The following PLEKHG1 variants were observed in gnomAD, a reference collection of about 807,000 sequenced individuals.
PLEKHG1 encodes pleckstrin homology and RhoGEF domain containing G1.
A neutral mutation model predicts 100.8 loss-of-function variants in PLEKHG1; 44 were observed. The observed-to-expected ratio is 0.44, with a 90% CI of 0.34 to 0.56. PLEKHG1 has a LOEUF of 0.56. Ranked by LOEUF, PLEKHG1 falls within the 20% of genes least tolerant of loss-of-function variation. The pLI is 0.01. For missense variants in PLEKHG1, 1,545 were observed against 1,720.9 expected (o/e 0.90, Z 1.81); for synonymous variants, 640 against 662.5 (o/e 0.97, Z 0.52).
intron 14 of PLEKHG1, chr6:150,828,364 A>G (rs749143529): frequency 1.3e-4 from 211 of 1,609,940 alleles, no homozygotes; most frequent in South Asian, 3.3e-4. Flanking sequence ...GAAGAGGGAC[A>G]GCGATTCCAA....
chr6:150,806,223 CTTTTTTTT>C (rs58040509), intron 7 of PLEKHG1, among the ~76,000 whole-genome samples: 51 of 89,784 alleles, frequency 5.7e-4, no homozygotes, highest in African/African-American at 1.7e-3. Context: ...TTCCAGGCTG[CTTTTTTTT>C]TTTTTTTTTT....
At chr6:150,681,585 A>G (rs1008592643) in intron 3 of PLEKHG1, among the ~76,000 whole-genome samples, 1 of 151,798 alleles carries the variant, frequency 6.6e-6, no homozygotes, top group Non-Finnish European at 1.5e-5. Flanking sequence ...AATTTCCTCC[A>G]TGTTCTTTGT....
intron 3 of PLEKHG1, among the ~76,000 whole-genome samples, chr6:150,715,192 T>A (rs4628109): frequency 0.41 from 62,140 of 151,894 alleles, 13,450 homozygotes; most frequent in Middle Eastern, 0.53. Flanking sequence ...TAATTTTTTT[T>A]AAAAAAAGAA....
At chr6:150,690,401 C>T (rs371117648) in intron 3 of PLEKHG1, among the ~76,000 whole-genome samples, 5 of 151,976 alleles carry the variant, frequency 3.3e-5, no homozygotes, top group Middle Eastern at 3.4e-3. Flanking sequence ...AGCAGTCAAC[C>T]GAAACAGAAG....
intron 3 of PLEKHG1, among the ~76,000 whole-genome samples, chr6:150,712,623 G>C (rs1781280792): frequency 6.6e-6 from 1 of 152,188 alleles, no homozygotes; most frequent in African/African-American, 2.4e-5. Context: ...CAGTGGAACA[G>C]AGCTCTCTTT....
intron 2 of PLEKHG1, among the ~76,000 whole-genome samples, chr6:150,740,101 G>A (rs1030427476): frequency 1.3e-5 from 2 of 152,202 alleles, no homozygotes; most frequent in Non-Finnish European, 2.9e-5. Context: ...GAGAGCTTGT[G>A]CAGTGATTTC....
chr6:150,790,335 A>G (rs1785896496), intron 4 of PLEKHG1, among the ~76,000 whole-genome samples: 3 of 152,130 alleles, frequency 2.0e-5, no homozygotes. Context: ...CCAAAATCAA[A>G]ATATTTATAT....
In PLEKHG1 at chr6:150,639,048, G is replaced by T. The variant is rs1326697073; in HGVS notation, c.-158+923G>T. On this transcript the variant is annotated intron_variant, in intron 2 of 3. Transcript: ENST00000367326. ...TTCCTCTGGAAAGCCCATTTCTTTT[G>T]GGAAGGCTTTAACTTATATTGTACT... Among the ~76,000 whole-genome samples the T allele has an allele frequency of 3.9e-5, 6 of 152,068 alleles. 1 individual carries two copies. Among genetic ancestry groups the T allele is most frequent in the Non-Finnish European group, 7.4e-5 (5 of 68,002 alleles).
At chr6:150,724,404 G>A (rs1781850934) in intron 1 of PLEKHG1, among the ~76,000 whole-genome samples, 1 of 152,112 alleles carries the variant, frequency 6.6e-6, no homozygotes, top group Admixed American at 6.5e-5. Flanking sequence ...CTCTCTGAGT[G>A]GTAACACAGT....
At chr6:150,815,270 C>G (rs1787797435) in intron 10 of PLEKHG1, among the ~76,000 whole-genome samples, 1 of 152,152 alleles carries the variant, frequency 6.6e-6, no homozygotes. Context: ...TAGTTACAGC[C>G]TCCCAGCTGC....
chr6:150,672,433 G>T (rs1367267542), intron 3 of PLEKHG1, among the ~76,000 whole-genome samples: 4 of 152,278 alleles, frequency 2.6e-5, no homozygotes, highest in South Asian at 2.1e-4. Flanking sequence ...CATTTATATT[G>T]TTTGATCATG....
chr6:150,687,229 A>G (rs879408139), intron 3 of PLEKHG1, among the ~76,000 whole-genome samples: 1 of 152,160 alleles, frequency 6.6e-6, no homozygotes, highest in African/African-American at 2.4e-5. Context: ...AAAGATTATT[A>G]CTACCTTCTT....
chr6:150,647,688 A>T (rs908172660), intron 2 of PLEKHG1, among the ~76,000 whole-genome samples: 1 of 152,186 alleles, frequency 6.6e-6, no homozygotes, highest in African/African-American at 2.4e-5. Flanking sequence ...AACCTTCAGA[A>T]GTGTAATGAA....
At chr6:150,755,337 C>T (rs1783774131) in intron 2 of PLEKHG1, among the ~76,000 whole-genome samples, 2 of 152,198 alleles carry the variant, frequency 1.3e-5, no homozygotes, top group Admixed American at 1.3e-4. Context: ...TCTCTGCCAA[C>T]GTTGATGGTT....
chr6:150,838,102 CA>C (rs1777324960), intron 15 of PLEKHG1, among the ~76,000 whole-genome samples: 1 of 152,026 alleles, frequency 6.6e-6, no homozygotes. Flanking sequence ...AAAGAAATGA[CA>C]AAACTCACCT....
chr6:150,723,976 G>T (rs963788926), intron 1 of PLEKHG1, among the ~76,000 whole-genome samples: 1 of 152,256 alleles, frequency 6.6e-6, no homozygotes. Context: ...AACAGCCAGG[G>T]TTCCTTGGGC....
rs546675299 is a variant in PLEKHG1, at chr6:150,731,130, G to A, written c.-98-2454G>A. 1.1e-3 allele frequency among the ~76,000 whole-genome samples: 169 copies of A among 152,322 alleles called. 1 individual carries two copies. The highest frequency in any genetic ancestry group is 4.0e-3 in the African/African-American group (167 of 41,580). The stretch of plus-strand genomic sequence containing the variant: ...CTTTCTCAACACCAGTCCCAAACGT[G>A]AGTAAGCATCCTTTGCTGCAAGCAT... On this transcript the variant is annotated intron_variant, in intron 1 of 15. Transcript: ENST00000358517.
rs543500140 is a variant in PLEKHG1 at position 150,649,910 on chromosome 6, G to A, written c.-157-818G>A. Among the ~76,000 whole-genome samples the A allele has an allele frequency of 3.7e-4, 56 of 152,280 alleles. No individual in the cohort carries two copies. The East Asian group carries it at 6.5e-3, about 18-fold the overall frequency. Reference sequence around the variant, plus strand: ...GCCTGTAGTCCCAGCTGCTGGGGAGGCTGAGGCAGCAGAATGGCGTGAGCC... The same window carrying A: ...GCCTGTAGTCCCAGCTGCTGGGGAGACTGAGGCAGCAGAATGGCGTGAGCC... On this transcript the variant is annotated intron_variant, in intron 2 of 3. Coordinates refer to the PLEKHG1 transcript ENST00000367326.
chr6:150,820,152 T>C (rs767407690), intron 12 of PLEKHG1, among the ~76,000 whole-genome samples: 4 of 151,400 alleles, frequency 2.6e-5, no homozygotes, highest in Non-Finnish European at 4.4e-5. Context: ...GAGGTTGCAG[T>C]GAGCCAAGAT....
Sources: gnomAD v4.1 joint callset for allele counts (sites outside exome capture counted in the v4.1 genomes callset) on GRCh38, gnomAD v4.1.1 for gene constraint, MANE v1.5 for transcripts, NCBI Gene and HGNC (gene_info 2026-07-23, HGNC 2026-07-21) for gene names.